Variants in ENPP2 observed in about 807,000 individuals in gnomAD.
The protein encoded by ENPP2 is autotaxin.
Under a neutral mutation model 120.2 loss-of-function variants are expected in ENPP2, and 51 were observed. The observed-to-expected ratio is 0.42, with a 90% CI of 0.34 to 0.54. The LOEUF is 0.54. ENPP2 is among the 20% of genes least tolerant of loss of function. The pLI is 0.04. For synonymous variants in ENPP2, 365 were observed against 366.4 expected, an observed-to-expected ratio of 1.00 and a Z score of 0.04; for missense variants, 920 against 1,066.5, an observed-to-expected ratio of 0.86 and a Z score of 1.91.
intron 21 of ENPP2, 37 bp downstream of exon 21, chr8:119,569,198 C>T: frequency 6.2e-7 from 1 of 1,601,946 alleles, no homozygotes; most frequent in Non-Finnish European, 8.5e-7. Flanking sequence ...ATGTGACATC[C>T]CTCTGAAGGC....
chr8:119,596,427 G>A (rs982808389), intron 11 of ENPP2, among the ~76,000 whole-genome samples: 4 of 152,194 alleles, frequency 2.6e-5, no homozygotes, highest in African/African-American at 9.7e-5. Flanking sequence ...GTCATTTCAA[G>A]AGGACAATGA....
At chr8:119,588,254 C>T (rs1208663903) in intron 13 of ENPP2, among the ~76,000 whole-genome samples, 1 of 151,948 alleles carries the variant, frequency 6.6e-6, no homozygotes, top group African/African-American at 2.4e-5. Flanking sequence ...CTGCAGGTGG[C>T]CAGATACAGT....
intron 11 of ENPP2, chr8:119,596,046 C>T: frequency 6.4e-7 from 1 of 1,574,300 alleles, no homozygotes; most frequent in Admixed American, 1.7e-5. Context: ...AGTCGTCTGT[C>T]CCTCTGAGTC....
intron 18 of ENPP2, 86 bp downstream of exon 18, chr8:119,582,332 T>C (rs1357154461): frequency 7.9e-6 from 8 of 1,008,926 alleles, no homozygotes; most frequent in Non-Finnish European, 1.2e-5. Flanking sequence ...TTATAGACCA[T>C]GTCCATTGTC....
At chr8:119,649,904 T>A (rs925902122) in intron 1 of ENPP2, among the ~76,000 whole-genome samples, 1 of 152,218 alleles carries the variant, frequency 6.6e-6, no homozygotes, top group Non-Finnish European at 1.5e-5. Flanking sequence ...TAATACAAAC[T>A]GTTAGGAAGG....
At chr8:119,587,014 G>A in intron 14 of ENPP2, 30 bp downstream of exon 14, 1 of 1,603,166 alleles carries the variant, frequency 6.2e-7, no homozygotes. Flanking sequence ...GCCTGGGCAG[G>A]GCAGAGGCGG....
intron 1 of ENPP2, among the ~76,000 whole-genome samples, chr8:119,666,468 C>T (rs1256901997): frequency 6.6e-6 from 1 of 151,982 alleles, no homozygotes; most frequent in Non-Finnish European, 1.5e-5. Flanking sequence ...CAACCTATCA[C>T]ATTATAAAAA....
upstream of ENPP2, among the ~76,000 whole-genome samples, chr8:119,639,125 G>A (rs1393416139): frequency 2.0e-5 from 3 of 152,030 alleles, no homozygotes. Flanking sequence ...ACAAAAACAT[G>A]GTTTGTCAAA....
chr8:119,612,351 A>C (rs1377033149), intron 8 of ENPP2, among the ~76,000 whole-genome samples: 2 of 152,234 alleles, frequency 1.3e-5, no homozygotes, highest in African/African-American at 4.8e-5. Flanking sequence ...TCTCTTTATC[A>C]GGACAATAAA....
Position 119,568,136 on chromosome 8 carries a change from T to C in ENPP2, c.2131+39A>G, listed in dbSNP as rs980474196. The C allele has an allele frequency of 2.6e-5, 27 of 1,046,366 alleles. No individual in the cohort carries two copies. In the African/African-American group the frequency reaches 4.0e-4, roughly 15 times the overall value. The allele number at this position is 1,046,366 out of a possible 1,614,324, so 64.8% of individuals were successfully genotyped here. A position where few individuals can be genotyped will look rare whatever the true frequency, so the allele number is the denominator to read the frequency against. On this transcript the variant is annotated intron_variant, in intron 22 of 24. Coordinates refer to ENST00000075322, the MANE Select transcript of ENPP2 (RefSeq NM_001040092.3). The stretch of plus-strand genomic sequence containing the variant: ...AGGGGTAAATTTAGAAATGTTTATT[T>C]TCATAAATAACAGTGTATTAGGTAA...
chr8:119,638,786 G>C lies in ENPP2; in HGVS notation c.-6C>G, dbSNP rs1246239769. ...AACGAGCTCCTCCTTGCCATGTCGAGGATTCTTGGAAAGCCTTTTGCAGCG... is the reference window on the plus strand; with the variant it reads ...AACGAGCTCCTCCTTGCCATGTCGACGATTCTTGGAAAGCCTTTTGCAGCG... On this transcript the variant is annotated 5_prime_UTR_variant, in exon 1 of 25. Coordinates refer to ENST00000075322, the MANE Select transcript of ENPP2 (RefSeq NM_001040092.3). 6.2e-7 allele frequency: 1 copy of C among 1,613,080 alleles called. No individual in the cohort carries two copies. The highest frequency in any genetic ancestry group is 2.2e-5 in the East Asian group (1 of 44,886).
chr8:119,666,541 G>A (rs890627583), intron 1 of ENPP2, among the ~76,000 whole-genome samples: 1 of 152,260 alleles, frequency 6.6e-6, no homozygotes, highest in East Asian at 1.9e-4. Flanking sequence ...AGCACTTTGG[G>A]AGGCCGAGGC....
At chr8:119,664,225 T>G (rs188499151) in intron 1 of ENPP2, among the ~76,000 whole-genome samples, 2 of 152,282 alleles carry the variant, frequency 1.3e-5, no homozygotes, top group Admixed American at 1.3e-4. Flanking sequence ...AAGATGATAT[T>G]TGACATGTTC....
rs570910977 is a variant in ENPP2 at position 119,595,793 on chromosome 8, A to G, written c.973-1933T>C. The G allele has an allele frequency of 3.6e-5, 57 of 1,576,800 alleles. No individual in the cohort carries two copies. The East Asian group carries it at 1.2e-3, about 33-fold the overall frequency. ...TTTTCCAACCAAGGCACTGAAGGCA[A>G]CCTTCAACTCAGACCTGCCCGCCAC... On this transcript the variant is annotated intron_variant, in intron 11 of 24. Transcript: ENST00000075322.
chr8:119,672,682 G>A (rs1375339464), intron 1 of ENPP2, among the ~76,000 whole-genome samples: 3 of 152,190 alleles, frequency 2.0e-5, no homozygotes, highest in Non-Finnish European at 4.4e-5. Flanking sequence ...TGGCTGTGCC[G>A]AATTGTGCAC....
Position 119,614,110 on chromosome 8 carries a change from G to A in ENPP2, c.777+2155C>T, listed in dbSNP as rs377697142. On this transcript the variant is annotated intron_variant, in intron 8 of 24. Coordinates refer to ENST00000075322, the MANE Select transcript of ENPP2 (RefSeq NM_001040092.3). ...GAGATGGAGTCTCGCACTGTCACCC[G>A]GGCTGGAGTGCAATGGTGTGATCTC... Among the ~76,000 whole-genome samples the A allele has an allele frequency of 2.9e-4, 38 of 132,030 alleles. 1 individual carries two copies. Among genetic ancestry groups the A allele is most frequent in the African/African-American group, 9.2e-4 (32 of 34,716 alleles). The allele number at this position is 132,030 out of a possible 152,430, so 86.6% of individuals were successfully genotyped here.
At chr8:119,593,236 C>T (rs1423191057) in intron 12 of ENPP2, among the ~76,000 whole-genome samples, 1 of 152,186 alleles carries the variant, frequency 6.6e-6, no homozygotes, top group Non-Finnish European at 1.5e-5. Context: ...TGAATTACAG[C>T]AGGGCCTTCC....
intron 19 of ENPP2, among the ~76,000 whole-genome samples, chr8:119,578,686 T>G (rs1159683859): frequency 6.6e-6 from 1 of 152,208 alleles, no homozygotes; most frequent in Admixed American, 6.5e-5. Context: ...AGAGGTTAGG[T>G]GTCGAACATT....
intron 1 of ENPP2, among the ~76,000 whole-genome samples, chr8:119,657,473 C>T (rs1310435724): frequency 1.3e-5 from 2 of 152,178 alleles, no homozygotes; most frequent in African/African-American, 4.8e-5. Flanking sequence ...CAATATCTGG[C>T]TTAGAAAGTG....
Sources: allele counts gnomAD v4.1 joint callset (sites outside exome capture counted in the v4.1 genomes callset), GRCh38; gene constraint gnomAD v4.1.1; transcripts MANE v1.5; gene names NCBI Gene and HGNC (gene_info 2026-07-23, HGNC 2026-07-21).